The following AP1B1 variants were observed in gnomAD, a reference collection of about 807,000 sequenced individuals.
The protein encoded by AP1B1 is AP-1 complex subunit beta-1.
A neutral mutation model predicts 104.3 loss-of-function variants in AP1B1; 36 were observed. The ratio of observed to expected loss-of-function variants is 0.35; its 90% CI spans 0.26 to 0.46. The LOEUF (loss-of-function observed/expected upper bound fraction) is 0.46. Among genes scored for constraint, AP1B1 ranks in the 20% least tolerant of loss-of-function variants. The probability of loss-of-function intolerance (pLI) is 1.00; values close to 1 mark genes in which losing one functional copy is unlikely to be tolerated. For missense variants in AP1B1, 901 were observed against 1,247.9 expected (o/e 0.72, Z 4.19); for synonymous variants, 504 against 517.5 (o/e 0.97, Z 0.35).
At chr22:29,364,216 C>A (rs948628834) in intron 2 of AP1B1, among the ~76,000 whole-genome samples, 11 of 152,160 alleles carry the variant, frequency 7.2e-5, no homozygotes, top group South Asian at 2.1e-4. Flanking sequence ...CTTCCTGAGA[C>A]ACAAGTGGTT....
intron 1 of AP1B1, among the ~76,000 whole-genome samples, chr22:29,373,011 G>A (rs1158440478): frequency 6.6e-6 from 1 of 152,204 alleles, no homozygotes; most frequent in African/African-American, 2.4e-5. Flanking sequence ...CAAGCCGGGT[G>A]TTGTGGGTCA....
chr22:29,354,888 C>T lies in AP1B1; in HGVS notation c.717-17G>A, dbSNP rs2061931618. 1 of 1,604,112 alleles carries T rather than the reference C, an allele frequency of 6.2e-7. No individual in the cohort carries two copies. The highest frequency in any genetic ancestry group is 8.5e-7 in the Non-Finnish European group (1 of 1,171,092). Reference sequence around the variant, plus strand: ...TCACAGATGCTGGGGTCCGTCCATTCCAACGGGGCAAACAGGAAAGACAAG... The same window carrying T: ...TCACAGATGCTGGGGTCCGTCCATTTCAACGGGGCAAACAGGAAAGACAAG... On this transcript the variant is annotated splice_polypyrimidine_tract_variant and intron_variant, in intron 6 of 22. Coordinates refer to ENST00000357586, the MANE Select transcript of AP1B1 (RefSeq NM_001127.4).
intron 20 of AP1B1, 41 bp from the exon 21 acceptor site, chr22:29,330,573 G>T: frequency 1.2e-6 from 2 of 1,612,496 alleles, no homozygotes; most frequent in Non-Finnish European, 1.7e-6. Context: ...AGTCAGCGCG[G>T]GGGCCTGGGT....
intron 16 of AP1B1, among the ~76,000 whole-genome samples, chr22:29,337,077 C>T (rs1351043139): frequency 1.3e-5 from 2 of 152,218 alleles, no homozygotes; most frequent in South Asian, 2.1e-4. Flanking sequence ...CGCGATTCTA[C>T]GTTCCCGTGG....
chr22:29,368,756 CAAAA>C (rs5844848), intron 1 of AP1B1, among the ~76,000 whole-genome samples: 1 of 118,718 alleles, frequency 8.4e-6, no homozygotes, highest in Non-Finnish European at 1.8e-5. Context: ...AGGATTCAGT[CAAAA>C]AAAAAAAAAA....
chr22:29,363,902 A>G (rs1745087521), intron 2 of AP1B1, among the ~76,000 whole-genome samples: 2 of 152,164 alleles, frequency 1.3e-5, no homozygotes, highest in Admixed American at 1.3e-4. Flanking sequence ...CTCCAAAAAA[A>G]AAAAGTTTAG....
intron 7 of AP1B1, among the ~76,000 whole-genome samples, chr22:29,352,312 G>A (rs1365892425): frequency 6.6e-6 from 1 of 152,248 alleles, no homozygotes; most frequent in East Asian, 1.9e-4. Context: ...GTATTTAACT[G>A]TACCTAGACC....
intron 1 of AP1B1, among the ~76,000 whole-genome samples, chr22:29,381,648 G>A (rs1013010502): frequency 1.3e-5 from 2 of 152,218 alleles, no homozygotes; most frequent in East Asian, 3.8e-4. Flanking sequence ...TGGAAGTTAA[G>A]TGAATAAATT....
At chr22:29,338,309 A>T (rs889465757) in intron 16 of AP1B1, among the ~76,000 whole-genome samples, 1 of 152,136 alleles carries the variant, frequency 6.6e-6, no homozygotes, top group Non-Finnish European at 1.5e-5. Context: ...GTCAGTGACC[A>T]CTTCAGAAAC....
intron 7 of AP1B1, among the ~76,000 whole-genome samples, chr22:29,352,572 C>G (rs113028060): frequency 7.2e-5 from 11 of 152,258 alleles, no homozygotes; most frequent in African/African-American, 2.6e-4. Context: ...GTCCTTCTCC[C>G]CTATGACCCA....
At chr22:29,359,648 G>T in intron 4 of AP1B1, 176 bp downstream of exon 4, 1 of 746,628 alleles carries the variant, frequency 1.3e-6, no homozygotes, top group Non-Finnish European at 2.1e-6. Context: ...CTTAGCATCT[G>T]ATTTTCTGGA....
chr22:29,340,547 T>C, intron 14 of AP1B1, 109 bp downstream of exon 14: 2 of 1,166,814 alleles, frequency 1.7e-6, no homozygotes, highest in East Asian at 2.6e-5. Flanking sequence ...GTAAGGACTC[T>C]ATATAATGTA....
At chr22:29,374,374 A>C (rs2062298431) in intron 1 of AP1B1, among the ~76,000 whole-genome samples, 1 of 152,226 alleles carries the variant, frequency 6.6e-6, no homozygotes, top group African/African-American at 2.4e-5. Context: ...TGCATGGCCA[A>C]AACAATAAAA....
chr22:29,330,204 C>T (rs2061535937), intron 21 of AP1B1, 174 bp downstream of exon 21: 2 of 1,463,268 alleles, frequency 1.4e-6, no homozygotes, highest in African/African-American at 1.4e-5. Context: ...ATCTGGGTAA[C>T]CTGACGGGGT....
At chr22:29,356,736 G>T in intron 5 of AP1B1, 120 bp from the exon 6 acceptor site, 1 of 975,100 alleles carries the variant, frequency 1.0e-6, no homozygotes, top group Non-Finnish European at 1.5e-6. Flanking sequence ...GACCCAATGG[G>T]CAGGGTCTGG....
chr22:29,353,325 C>G (rs2061906037), intron 7 of AP1B1, among the ~76,000 whole-genome samples: 1 of 152,102 alleles, frequency 6.6e-6, no homozygotes. Flanking sequence ...GAGGCAAGAC[C>G]CCGAGCTGGG....
At chr22:29,368,756 CA>C (rs5844848) in intron 1 of AP1B1, among the ~76,000 whole-genome samples, 10,794 of 118,532 alleles carry the variant, frequency 0.091, 434 homozygotes, top group African/African-American at 0.15. Context: ...AGGATTCAGT[CA>C]AAAAAAAAAA....
rs753900951 is a variant in AP1B1 at position 29,359,938 on chromosome 22, G to C, written c.165C>G (p.Val55=). 1.9e-6 allele frequency: 3 copies of C among 1,613,546 alleles called. No homozygotes were observed. The East Asian group carries it at 6.7e-5, about 36-fold the overall frequency. ...KDVSALFPDV[V]NCMQTDNLEL... ...CCAGGTTGTCCGTCTGCATGCAGTTGACCACATCGGGGAAGAGGGCACTGG... is the reference window on the plus strand; with the variant it reads ...CCAGGTTGTCCGTCTGCATGCAGTTCACCACATCGGGGAAGAGGGCACTGG... The change falls in exon 4 of 23, where the codon GTC becomes GTG. Residue 55 remains valine (V), a synonymous_variant. Coordinates refer to ENST00000357586, the MANE Select transcript of AP1B1 (RefSeq NM_001127.4).
chr22:29,339,099 G>A lies in AP1B1; in HGVS notation c.2054C>T (p.Ala685Val), dbSNP rs776288430. 2 of 1,614,202 alleles carry A rather than the reference G, an allele frequency of 1.2e-6. No homozygotes were observed. Among genetic ancestry groups the A allele is most frequent in the Non-Finnish European group, 8.5e-7 (1 of 1,180,050 alleles). The change falls in exon 16 of 23, where the codon GCA (alanine) becomes GTA (valine). Residue 685 changes from alanine to valine, a missense_variant. Ala to Val is a moderately conservative substitution (Grantham distance 64, BLOSUM62 0). This residue lies in a region of AP1B1 where 424 missense variants were observed against 494.0 expected (regional missense o/e 0.86). Transcript: ENST00000357586. ...GGTNFVAPPT[A>V]AVPANLGAPI... is the part of the protein sequence containing the mutation. ...TGCTCCAAGATTGGCTGGTACTGCT[G>A]CTGTTGGAGGTGCCACGAAGTTGGT...
Sources: allele counts gnomAD v4.1 joint callset (sites outside exome capture counted in the v4.1 genomes callset), GRCh38; gene constraint gnomAD v4.1.1; regional missense constraint gnomAD v4.1.1; transcripts MANE v1.5; gene names NCBI Gene and HGNC (gene_info 2026-07-23, HGNC 2026-07-21).